The following CLIP1 variants were observed in gnomAD, a reference collection of about 807,000 sequenced individuals.
CLIP1 encodes the protein CAP-Gly domain-containing linker protein 1.
In CLIP1, 66 loss-of-function variants were observed where a neutral mutation model predicts 161.6. The observed-to-expected ratio is 0.41, with a 90% CI of 0.33 to 0.50. The LOEUF (loss-of-function observed/expected upper bound fraction) is 0.50, where lower values mean the gene tolerates loss of function less well. CLIP1 is among the 20% of genes least tolerant of loss of function. CLIP1 has a pLI of 0.27. For missense variants in CLIP1, 1,376 were observed against 1,702.0 expected, an observed-to-expected ratio of 0.81 and a Z score of 3.37; for synonymous variants, 598 against 626.2, an observed-to-expected ratio of 0.96 and a Z score of 0.67.
chr12:122,354,085 C>CTA (rs1450037114), intron 7 of CLIP1, among the ~76,000 whole-genome samples: 7 of 151,936 alleles, frequency 4.6e-5, no homozygotes, highest in African/African-American at 1.7e-4. Context: ...AGGAAATTTT[C>CTA]TTCTGAGGTC....
intron 20 of CLIP1, among the ~76,000 whole-genome samples, chr12:122,290,942 G>C (rs1950225520): frequency 6.6e-6 from 1 of 150,442 alleles, no homozygotes; most frequent in Non-Finnish European, 1.5e-5. Flanking sequence ...GCCCAGGCTG[G>C]AGTGCAATGG....
intron 17 of CLIP1, chr12:122,322,250 A>G (rs1453032659): frequency 6.6e-6 from 1 of 152,602 alleles, no homozygotes; most frequent in Non-Finnish European, 1.5e-5. Flanking sequence ...CAACTGGCTG[A>G]TCTCTTTCTG....
chr12:122,354,410 G>A lies in CLIP1; in HGVS notation c.1307+43C>T, dbSNP rs750515616. The A allele has an allele frequency of 4.6e-6, 7 of 1,506,972 alleles. No homozygotes were observed. The South Asian group carries it at 6.8e-5, about 15-fold the overall frequency. The allele number at this position is 1,506,972 out of a possible 1,614,324, so 93.4% of individuals were successfully genotyped here. On this transcript the variant is annotated intron_variant, in intron 7 of 25. Coordinates refer to ENST00000620786, the MANE Select transcript of CLIP1 (RefSeq NM_001247997.2). The stretch of plus-strand genomic sequence containing the variant: ...ACTCTGTCTCAAAAACAAAAAAAAA[G>A]GGGGAAAGGCCACACTTGCACCAGG...
intron 2 of CLIP1, among the ~76,000 whole-genome samples, chr12:122,379,946 A>AAAAT (rs1262169743): frequency 2.2e-5 from 2 of 89,758 alleles, no homozygotes; most frequent in Non-Finnish European, 5.3e-5. Flanking sequence ...TCCATCTTTA[A>AAAAT]AAAAAAAAAA....
At chr12:122,353,645 T>A (rs1036165476) in intron 7 of CLIP1, among the ~76,000 whole-genome samples, 3 of 152,032 alleles carry the variant, frequency 2.0e-5, no homozygotes, top group African/African-American at 7.2e-5. Flanking sequence ...TCTTTTTTTT[T>A]TTTGAGACGG....
At chr12:122,338,582 T>C (rs1033738417) in intron 11 of CLIP1, among the ~76,000 whole-genome samples, 5 of 152,022 alleles carry the variant, frequency 3.3e-5, no homozygotes, top group Admixed American at 2.0e-4. Flanking sequence ...CCAGGCATGA[T>C]GGCGGGCGCC....
intron 24 of CLIP1, 78 bp downstream of exon 24, chr12:122,278,076 T>A (rs1197775611): frequency 6.0e-6 from 8 of 1,341,946 alleles, no homozygotes; most frequent in Non-Finnish European, 8.4e-6. Flanking sequence ...AGGCATCAAA[T>A]GAGAAGGAAA....
rs1228532230 is a variant in CLIP1 at position 122,355,173 on chromosome 12, G to A, written c.1145C>T (p.Thr382Met). The A allele has an allele frequency of 5.6e-6, 9 of 1,614,160 alleles. No homozygotes were observed. Among genetic ancestry groups the A allele is most frequent in the South Asian group, 1.1e-5 (1 of 91,078 alleles). Residue 382 changes from threonine to methionine, a missense_variant, in exon 6 of 26, where the codon ACG becomes ATG. By Grantham distance (81) the Thr-to-Met change is moderately conservative. Transcript: ENST00000620786. The surrounding 1 kb of genome is among the most constrained non-coding windows in gnomAD (Gnocchi z 4.1). ...DLERAEVAKA[T>M]SHVGEIEQEL... The stretch of plus-strand genomic sequence containing the variant: ...CTGCTCTATCTCCCCCACGTGGCTC[G>A]TGGCCTTGGCCACCTCCGCCCTCTC...
At chr12:122,345,001 A>C (rs1405047807) in intron 10 of CLIP1, among the ~76,000 whole-genome samples, 2 of 151,394 alleles carry the variant, frequency 1.3e-5, no homozygotes, top group Non-Finnish European at 2.9e-5. Flanking sequence ...AGGAAAAAAA[A>C]CATCAAAATT....
chr12:122,308,482 C>A (rs1165437383), intron 20 of CLIP1, among the ~76,000 whole-genome samples: 1 of 152,188 alleles, frequency 6.6e-6, no homozygotes, highest in Non-Finnish European at 1.5e-5. Flanking sequence ...CAGTTTCTCA[C>A]AAACTCATCA....
Position 122,279,213 on chromosome 12 carries a change from GAACA to G in CLIP1, c.3648-72_3648-69del, listed in dbSNP as rs1955550271. 1 of 973,734 alleles carries G rather than the reference GAACA, an allele frequency of 1.0e-6. No homozygotes were observed. Among genetic ancestry groups the G allele is most frequent in the South Asian group, 1.8e-5 (1 of 56,884 alleles). The allele number at this position is 973,734 out of a possible 1,614,324, so 60.3% of individuals were successfully genotyped here. A position where few individuals can be genotyped will look rare whatever the true frequency, so the allele number is the denominator to read the frequency against. ...GACTGGTCAGTGTACAACTGTTCTAGAACAAACACATAATTAATGTTAGTTAATG... is the reference window on the plus strand; with the variant it reads ...GACTGGTCAGTGTACAACTGTTCTAGAACACATAATTAATGTTAGTTAATG... On this transcript the variant is annotated intron_variant, in intron 21 of 25. Coordinates refer to ENST00000620786, the MANE Select transcript of CLIP1 (RefSeq NM_001247997.2). The surrounding 1 kb of genome is among the most constrained non-coding windows in gnomAD (Gnocchi z 4.5).
intron 20 of CLIP1, among the ~76,000 whole-genome samples, chr12:122,302,228 G>A (rs1465991999): frequency 6.6e-6 from 1 of 151,938 alleles, no homozygotes; most frequent in African/African-American, 2.4e-5. Flanking sequence ...AGCCTCCCAA[G>A]TAGCAGGGAT....
chr12:122,417,152 C>G (rs998012329), intron 1 of CLIP1, among the ~76,000 whole-genome samples: 1 of 151,984 alleles, frequency 6.6e-6, no homozygotes, highest in South Asian at 2.1e-4. Context: ...CAAAAATTAG[C>G]CAGGTGTGGT....
chr12:122,416,929 C>A lies in CLIP1; in HGVS notation c.-107+5592G>T, dbSNP rs532088031. ...AAATAATTATAACAATAACATGGTG[C>A]CCAGGTGTGGTGGATCACACCGGTA... On this transcript the variant is annotated intron_variant, in intron 1 of 25. Transcript: ENST00000620786. Among the ~76,000 whole-genome samples, 3 of 151,334 alleles carry A rather than the reference C, an allele frequency of 2.0e-5. No individual in the cohort carries two copies. In the South Asian group the frequency reaches 6.3e-4, roughly 32 times the overall value.
chr12:122,397,435 C>CA (rs1593243094), intron 1 of CLIP1, among the ~76,000 whole-genome samples: 2 of 147,122 alleles, frequency 1.4e-5, no homozygotes, highest in South Asian at 2.2e-4. Context: ...CCTCTCTCTA[C>CA]AAAAAAATAC....
rs566686667 is a variant in CLIP1 at position 122,417,114 on chromosome 12, T to C, written c.-107+5407A>G. Reference sequence around the variant, plus strand: ...AGGAGTTAGATCAGCCTGGCCAACATGGTGAAACCCCGTCTCTACTAAAAA... The same window carrying C: ...AGGAGTTAGATCAGCCTGGCCAACACGGTGAAACCCCGTCTCTACTAAAAA... On this transcript the variant is annotated intron_variant, in intron 1 of 25. Transcript: ENST00000620786. 7.9e-5 allele frequency among the ~76,000 whole-genome samples: 12 copies of C among 151,624 alleles called. No individual in the cohort carries two copies. In the South Asian group the frequency reaches 2.1e-3, roughly 26 times the overall value.
At chr12:122,344,009 G>A (rs1307979864) in intron 10 of CLIP1, 1 of 152,310 alleles carries the variant, frequency 6.6e-6, no homozygotes, top group Non-Finnish European at 1.5e-5. Flanking sequence ...CTTGTGGCCA[G>A]GAGTTCAAGA....
Position 122,334,130 on chromosome 12 carries a change from GA to G in CLIP1, c.2627-21del. The G allele has an allele frequency of 6.8e-7, 1 of 1,474,680 alleles. No homozygotes were observed. The highest frequency in any genetic ancestry group is 1.2e-5 in the South Asian group (1 of 86,914). 91.3% of individuals were successfully genotyped at this position (1,474,680 alleles called of 1,614,324 possible). ...CAGTTTCTATTTAGGATAAAAGTTA[GA>G]AGTTTAATATGTTTCATATTTAATA... is the stretch of plus-strand genomic sequence containing the variant. On this transcript the variant is annotated intron_variant, in intron 13 of 25. Coordinates refer to ENST00000620786, the MANE Select transcript of CLIP1 (RefSeq NM_001247997.2).
At chr12:122,285,296 G>A (rs547393246) in intron 21 of CLIP1, among the ~76,000 whole-genome samples, 6 of 146,782 alleles carry the variant, frequency 4.1e-5, no homozygotes, top group East Asian at 2.0e-4. Context: ...GCACGATCTC[G>A]GCTCACTACA....
Sources: allele counts gnomAD v4.1 joint callset (sites outside exome capture counted in the v4.1 genomes callset), GRCh38; gene constraint gnomAD v4.1.1; non-coding constraint Gnocchi (gnomAD v3.1); transcripts MANE v1.5; gene names NCBI Gene and HGNC (gene_info 2026-07-23, HGNC 2026-07-21).